The following SUMF1 variants were observed in gnomAD, a reference collection of about 807,000 sequenced individuals.
SUMF1 encodes the protein sulfatase modifying factor 1.
In SUMF1, 48 loss-of-function variants were observed where a neutral mutation model predicts 47.6. The ratio of observed to expected loss-of-function variants is 1.01; its 90% CI spans 0.80 to 1.28. SUMF1 has a LOEUF of 1.28. Ranked by LOEUF, SUMF1 falls within the 50% of genes most tolerant of loss-of-function variation. The pLI is 0.00. For synonymous variants in SUMF1, 230 were observed against 192.1 expected (o/e 1.20, Z -1.63); for missense variants, 571 against 485.4 (o/e 1.18, Z -1.66).
intron 8 of SUMF1, among the ~76,000 whole-genome samples, chr3:4,334,958 G>A (rs1313519847): frequency 2.6e-5 from 4 of 152,126 alleles, no homozygotes; most frequent in Non-Finnish European, 5.9e-5. Flanking sequence ...ATCTTTAACA[G>A]CACAGAGAGA....
rs1176256378 is a variant in SUMF1, at chr3:4,449,421, T to G, written c.445-81A>C. ...GTGTGCCCTTTTCTCTCCACACTAT[T>G]AAAGTGATTCCTCTTGTCCAATTGA... On this transcript the variant is annotated intron_variant, in intron 2 of 8. Transcript: ENST00000272902. 25 of 1,339,914 alleles carry G rather than the reference T, an allele frequency of 1.9e-5. 1 individual carries two copies. In the Admixed American group the frequency reaches 4.2e-4, roughly 23 times the overall value. The allele number at this position is 1,339,914 out of a possible 1,614,324, so 83.0% of individuals were successfully genotyped here. A position where few individuals can be genotyped will look rare whatever the true frequency, so the allele number is the denominator to read the frequency against.
rs192606523 is a variant in SUMF1, at chr3:4,209,599, T to C, written c.1015-140854A>G. On this transcript the variant is annotated intron_variant and NMD_transcript_variant, in intron 8 of 12. Coordinates refer to the SUMF1 transcript ENST00000448413. ...ATATTATTCCAAATTTATTAGATCT[T>C]AGAGATCAAGAAGAAAAAAACAACA... is the stretch of plus-strand genomic sequence containing the variant. Among the ~76,000 whole-genome samples the C allele has an allele frequency of 8.4e-4, 128 of 152,048 alleles. 1 individual carries two copies. The highest frequency in any genetic ancestry group is 5.8e-3 in the Admixed American group (89 of 15,254).
chr3:4,143,857 C>A (rs180841171), intron 8 of SUMF1, among the ~76,000 whole-genome samples: 1 of 152,202 alleles, frequency 6.6e-6, no homozygotes, highest in Non-Finnish European at 1.5e-5. Flanking sequence ...GAATTTCAGG[C>A]CCCAACCCAG....
chr3:4,245,635 C>A (rs1696646763), intron 8 of SUMF1, among the ~76,000 whole-genome samples: 1 of 152,128 alleles, frequency 6.6e-6, no homozygotes, highest in Non-Finnish European at 1.5e-5. Context: ...GGTCACCCAC[C>A]TGTATGAGGT....
At chr3:4,252,130 G>C (rs530327556) in intron 8 of SUMF1, among the ~76,000 whole-genome samples, 1 of 152,124 alleles carries the variant, frequency 6.6e-6, no homozygotes, top group Non-Finnish European at 1.5e-5. Context: ...ATAAAGAAAT[G>C]AGTAACACTG....
intron 8 of SUMF1, among the ~76,000 whole-genome samples, chr3:4,326,522 GT>G (rs35648890): frequency 5.3e-4 from 68 of 128,598 alleles, no homozygotes; most frequent in East Asian, 1.0e-3. Flanking sequence ...TTTTCCAAGG[GT>G]TTTTTTTTTT....
intron 3 of SUMF1, among the ~76,000 whole-genome samples, chr3:4,442,637 G>GCAAAAAAAAAAAAA (rs1702640702): frequency 1.8e-4 from 1 of 5,490 alleles, no homozygotes; most frequent in African/African-American, 2.1e-4. Context: ...GAGAGAAAAA[G>GCAAAAAAAAAAAAA]GAAAAAAAAA....
At chr3:4,368,926 A>G (rs966121912) in intron 8 of SUMF1, among the ~76,000 whole-genome samples, 3 of 152,342 alleles carry the variant, frequency 2.0e-5, no homozygotes, top group East Asian at 1.9e-4. Context: ...TTGGCCCAGT[A>G]CAGCTCAAGT....
intron 8 of SUMF1, among the ~76,000 whole-genome samples, chr3:4,331,837 T>TTAAA (rs199846158): frequency 0.011 from 1,687 of 152,034 alleles, 22 homozygotes; most frequent in African/African-American, 0.037. Flanking sequence ...CTCCAAAAAA[T>TTAAA]TAAATAAATA....
At chr3:4,353,419 AT>A (rs909162843) in intron 8 of SUMF1, among the ~76,000 whole-genome samples, 1 of 151,960 alleles carries the variant, frequency 6.6e-6, no homozygotes, top group Admixed American at 6.6e-5. Flanking sequence ...CGCCCGGCTA[AT>A]TTTTTGTATT....
At chr3:4,388,583 T>C (rs1700747564) in intron 7 of SUMF1, among the ~76,000 whole-genome samples, 1 of 152,108 alleles carries the variant, frequency 6.6e-6, no homozygotes, top group Admixed American at 6.5e-5. Flanking sequence ...TGTCAAAGAC[T>C]TAAGTCTGTC....
At chr3:4,316,278 C>T (rs566452266) in intron 8 of SUMF1, 3 of 911,358 alleles carry the variant, frequency 3.3e-6, no homozygotes, top group East Asian at 5.2e-5. Flanking sequence ...CAAAATGGGT[C>T]GTAAAGCAGC....
intron 8 of SUMF1, among the ~76,000 whole-genome samples, chr3:4,173,821 T>C (rs980728988): frequency 6.6e-6 from 1 of 151,404 alleles, no homozygotes; most frequent in Non-Finnish European, 1.5e-5. Flanking sequence ...TAAGTGGGAG[T>C]TGAACAATAA....
At chr3:4,102,879 G>A (rs1357271987) in intron 8 of SUMF1, among the ~76,000 whole-genome samples, 2 of 151,666 alleles carry the variant, frequency 1.3e-5, no homozygotes, top group Non-Finnish European at 2.9e-5. Context: ...GAGAGGAAAG[G>A]AGAAAGAGGC....
chr3:4,350,982 G>C (rs893982245), intron 8 of SUMF1, among the ~76,000 whole-genome samples: 1 of 151,618 alleles, frequency 6.6e-6, no homozygotes, highest in African/African-American at 2.4e-5. Context: ...AACCCAAACT[G>C]GCCACTAGAG....
intron 8 of SUMF1, among the ~76,000 whole-genome samples, chr3:4,191,473 G>A (rs1404498582): frequency 6.6e-6 from 1 of 152,100 alleles, no homozygotes; most frequent in Non-Finnish European, 1.5e-5. Context: ...CTCACTGAAA[G>A]GAGAAACCAA....
intron 9 of SUMF1, among the ~76,000 whole-genome samples, chr3:4,059,972 A>T (rs1695250771): frequency 6.6e-6 from 1 of 152,158 alleles, no homozygotes; most frequent in African/African-American, 2.4e-5. Flanking sequence ...GAACTGAAAG[A>T]AGGTGCAGGA....
chr3:4,067,067 C>T (rs1043981921), intron 9 of SUMF1, among the ~76,000 whole-genome samples: 1 of 152,120 alleles, frequency 6.6e-6, no homozygotes, highest in East Asian at 1.9e-4. Context: ...AATGCAGTGA[C>T]CCCTTTTCTA....
chr3:4,290,395 CTTGT>C (rs1221604227), intron 8 of SUMF1, among the ~76,000 whole-genome samples: 3 of 152,200 alleles, frequency 2.0e-5, no homozygotes, highest in African/African-American at 7.2e-5. Context: ...GTAAAAACTT[CTTGT>C]CCAGTTTATG....
Sources: allele counts gnomAD v4.1 joint callset (sites outside exome capture counted in the v4.1 genomes callset), GRCh38; gene constraint gnomAD v4.1.1; transcripts MANE v1.5; gene names NCBI Gene and HGNC (gene_info 2026-07-23, HGNC 2026-07-21).